Variants in EPHA5 observed in about 807,000 individuals in gnomAD.
EPHA5 encodes ephrin type-A receptor 5.
In EPHA5, 60 loss-of-function variants were observed where a neutral mutation model predicts 105.0. The observed-to-expected ratio is 0.57, with a 90% CI of 0.46 to 0.71. The LOEUF (loss-of-function observed/expected upper bound fraction) is 0.71, where lower values mean the gene tolerates loss of function less well. Among genes scored for constraint, EPHA5 ranks in the 30% least tolerant of loss-of-function variants. The pLI is 0.00. For missense variants in EPHA5, 1,218 were observed against 1,274.7 expected (o/e 0.96, Z 0.68); for synonymous variants, 513 against 449.1 (o/e 1.14, Z -1.80).
At chr4:65,336,855 G>T (rs928840995) in intron 14 of EPHA5, among the ~76,000 whole-genome samples, 4 of 151,908 alleles carry the variant, frequency 2.6e-5, no homozygotes, top group Non-Finnish European at 5.9e-5. Context: ...GAAGAAATTT[G>T]TTTATGCTAC....
chr4:65,324,277 T>G, intron 16 of EPHA5, 58 bp from the exon 17 acceptor site: 1 of 1,236,576 alleles, frequency 8.1e-7, no homozygotes, highest in Non-Finnish European at 1.2e-6. Context: ...CACCTCAATA[T>G]TTCATGTTGG....
intron 8 of EPHA5, among the ~76,000 whole-genome samples, chr4:65,383,218 T>TACACAC (rs1376492501): frequency 9.4e-6 from 1 of 106,628 alleles, no homozygotes; most frequent in East Asian, 3.1e-4. Context: ...GCATATATGA[T>TACACAC]ATACACACAC....
At chr4:65,353,188 G>T in intron 11 of EPHA5, 85 bp from the exon 12 acceptor site, 1 of 420,502 alleles carries the variant, frequency 2.4e-6, no homozygotes, top group Non-Finnish European at 4.0e-6. Context: ...GTTTTTATTA[G>T]TGTCAAAATT....
chr4:65,536,751 A>T (rs567967330), intron 3 of EPHA5, among the ~76,000 whole-genome samples: 29 of 149,944 alleles, frequency 1.9e-4, no homozygotes, highest in East Asian at 9.8e-4. Flanking sequence ...CTAAAATATA[A>T]AAAAAAAAAA....
intron 5 of EPHA5, among the ~76,000 whole-genome samples, chr4:65,460,251 T>C (rs13434511): frequency 0.25 from 38,334 of 151,378 alleles, 5,259 homozygotes; most frequent in Middle Eastern, 0.34. Context: ...TAATATTATA[T>C]AGTCTCAAGT....
Position 65,392,984 on chromosome 4 carries a change from T to G in EPHA5, c.1793+11390A>C, listed in dbSNP as rs541219408. Among the ~76,000 whole-genome samples the G allele has an allele frequency of 2.0e-5, 3 of 152,274 alleles. No individual in the cohort carries two copies. In the East Asian group the frequency reaches 5.8e-4, roughly 29 times the overall value. Reference sequence around the variant, plus strand: ...TAATTTGTGGCTGAAAGTGTTAAATTCTATGAGAATACTGATACATTGTTT... The same window carrying G: ...TAATTTGTGGCTGAAAGTGTTAAATGCTATGAGAATACTGATACATTGTTT... On this transcript the variant is annotated intron_variant, in intron 8 of 16. Coordinates refer to ENST00000613740, the MANE Select transcript of EPHA5 (RefSeq NM_001281766.3).
At chr4:65,447,231 CAGTT>C (rs778623415) in intron 5 of EPHA5, among the ~76,000 whole-genome samples, 11 of 151,894 alleles carry the variant, frequency 7.2e-5, no homozygotes, top group Non-Finnish European at 1.2e-4. Context: ...GTAAATAAAA[CAGTT>C]AGAATATGGC....
intron 5 of EPHA5, among the ~76,000 whole-genome samples, chr4:65,426,209 GATTTT>G (rs1046840958): frequency 3.3e-5 from 5 of 152,098 alleles, no homozygotes; most frequent in Non-Finnish European, 5.9e-5. Context: ...ATCTTTCCTT[GATTTT>G]ATTTTATCTT....
rs1336932854 is a variant in EPHA5, at chr4:65,407,599, T to C, written c.1688-3120A>G. On this transcript the variant is annotated intron_variant, in intron 7 of 16. Coordinates refer to ENST00000613740, the MANE Select transcript of EPHA5 (RefSeq NM_001281766.3). Reference sequence around the variant, plus strand: ...TGTGTTTATCTAATGTCCTCTGAAATCAGATCATTTTTGTATAAAAAGCAA... The same window carrying C: ...TGTGTTTATCTAATGTCCTCTGAAACCAGATCATTTTTGTATAAAAAGCAA... Among the ~76,000 whole-genome samples the C allele has an allele frequency of 2.0e-5, 3 of 152,000 alleles. No individual in the cohort carries two copies. In the East Asian group the frequency reaches 5.8e-4, roughly 29 times the overall value.
intron 3 of EPHA5, among the ~76,000 whole-genome samples, chr4:65,541,737 T>C (rs912677579): frequency 6.6e-6 from 1 of 151,368 alleles, no homozygotes; most frequent in African/African-American, 2.4e-5. Flanking sequence ...AACTCAGCTT[T>C]GGATTAAGTG....
chr4:65,337,721 C>T lies in EPHA5; in HGVS notation c.2596-1596G>A, dbSNP rs375092353. 8.5e-5 allele frequency among the ~76,000 whole-genome samples: 13 copies of T among 152,058 alleles called. No homozygotes were observed. In the South Asian group the frequency reaches 2.7e-3, roughly 32 times the overall value. On this transcript the variant is annotated intron_variant, in intron 14 of 16. Coordinates refer to ENST00000613740, the MANE Select transcript of EPHA5 (RefSeq NM_001281766.3). Reference sequence around the variant, plus strand: ...CAGATGGCAATTTGCAGGAATCTGGCTAGAGCATAGGAGATAGCTGGACTG... The same window carrying T: ...CAGATGGCAATTTGCAGGAATCTGGTTAGAGCATAGGAGATAGCTGGACTG...
chr4:65,337,537 A>T (rs575784745), intron 14 of EPHA5, among the ~76,000 whole-genome samples: 16 of 152,290 alleles, frequency 1.1e-4, no homozygotes, highest in Admixed American at 9.8e-4. Flanking sequence ...TGGAAAGAAG[A>T]TTAAACGGTA....
intron 3 of EPHA5, among the ~76,000 whole-genome samples, chr4:65,562,634 T>C (rs1218280251): frequency 6.6e-6 from 1 of 152,058 alleles, no homozygotes; most frequent in African/African-American, 2.4e-5. Flanking sequence ...AGAAGACGCA[T>C]ACCAAGACAT....
chr4:65,432,729 A>G (rs4241665), intron 5 of EPHA5, among the ~76,000 whole-genome samples: 147,502 of 152,026 alleles, frequency 0.97, 71,743 homozygotes, highest in East Asian at 1. Flanking sequence ...TGCTACACCC[A>G]GCTAGTTTAT....
intron 3 of EPHA5, among the ~76,000 whole-genome samples, chr4:65,521,825 A>AT (rs967400801): frequency 6.6e-6 from 1 of 151,802 alleles, no homozygotes; most frequent in Non-Finnish European, 1.5e-5. Context: ...TGACAAATCC[A>AT]TTTCCCATTG....
chr4:65,499,215 T>C (rs1377227054), intron 3 of EPHA5, among the ~76,000 whole-genome samples: 2 of 151,620 alleles, frequency 1.3e-5, no homozygotes, highest in South Asian at 2.1e-4. Flanking sequence ...ATGGTACCCA[T>C]CTTCTCTACC....
At chr4:65,421,185 C>T (rs974454678) in intron 5 of EPHA5, among the ~76,000 whole-genome samples, 4 of 151,906 alleles carry the variant, frequency 2.6e-5, no homozygotes, top group Admixed American at 1.3e-4. Context: ...AATTTTATAT[C>T]GGGTCTATGA....
At chr4:65,491,229 G>C (rs1454066825) in intron 4 of EPHA5, among the ~76,000 whole-genome samples, 1 of 149,810 alleles carries the variant, frequency 6.7e-6, no homozygotes, top group Admixed American at 6.6e-5. Context: ...TGCATATCTA[G>C]TTGCTAAATC....
intron 16 of EPHA5, chr4:65,331,264 A>G: frequency 5.8e-6 from 6 of 1,030,902 alleles, no homozygotes; most frequent in Non-Finnish European, 7.0e-6. Context: ...ATTAGGCTAA[A>G]ACAACCACAT....
Sources: gnomAD v4.1 joint callset for allele counts (sites outside exome capture counted in the v4.1 genomes callset) on GRCh38, gnomAD v4.1.1 for gene constraint, MANE v1.5 for transcripts, NCBI Gene and HGNC (gene_info 2026-07-23, HGNC 2026-07-21) for gene names.